Variants in CLASP1 observed in about 807,000 individuals in gnomAD.
CLASP1 encodes the protein CLIP-associating protein 1.
Under a neutral mutation model 192.3 loss-of-function variants are expected in CLASP1, and 38 were observed. The ratio of observed to expected loss-of-function variants is 0.20; its 90% CI spans 0.15 to 0.26. The LOEUF (loss-of-function observed/expected upper bound fraction) is 0.26, where lower values mean the gene tolerates loss of function less well. CLASP1 is among the 10% of genes least tolerant of loss of function. The pLI is 1.00. For synonymous variants in CLASP1, 691 were observed against 712.8 expected (o/e 0.97, Z 0.49); for missense variants, 1,433 against 1,932.5 (o/e 0.74, Z 4.85).
chr2:121,520,016 A>C (rs2094422053), intron 6 of CLASP1, among the ~76,000 whole-genome samples: 1 of 152,204 alleles, frequency 6.6e-6, no homozygotes, highest in Non-Finnish European at 1.5e-5. Flanking sequence ...AGCCCCATAC[A>C]TGCAGCACGC....
intron 1 of CLASP1, among the ~76,000 whole-genome samples, chr2:121,627,388 C>T (rs2068584304): frequency 6.6e-6 from 1 of 152,208 alleles, no homozygotes; most frequent in South Asian, 2.1e-4. Flanking sequence ...ATGTACCAGG[C>T]AATCTGCCAG....
At chr2:121,373,692 C>G (rs12711549) in intron 34 of CLASP1, among the ~76,000 whole-genome samples, 38,309 of 152,110 alleles carry the variant, frequency 0.25, 7,721 homozygotes, top group African/African-American at 0.56. Context: ...CTTTAGCAAA[C>G]AGACTGGCAG....
intron 8 of CLASP1, among the ~76,000 whole-genome samples, chr2:121,487,503 C>A (rs990785546): frequency 6.6e-6 from 1 of 152,218 alleles, no homozygotes. Context: ...ATTCAGGACA[C>A]CACATTACAT....
chr2:121,511,410 G>A (rs1008863491), intron 7 of CLASP1, among the ~76,000 whole-genome samples: 3 of 152,060 alleles, frequency 2.0e-5, no homozygotes, highest in Non-Finnish European at 4.4e-5. Context: ...CCAACATGGA[G>A]AAACCCCGTC....
intron 13 of CLASP1, among the ~76,000 whole-genome samples, chr2:121,458,603 A>G (rs2087193508): frequency 6.6e-6 from 1 of 152,216 alleles, no homozygotes; most frequent in Admixed American, 6.5e-5. Context: ...TAGTGAGTTA[A>G]CAATCAATAC....
intron 1 of CLASP1, among the ~76,000 whole-genome samples, chr2:121,614,695 ACT>A (rs577421257): frequency 8.2e-4 from 125 of 152,286 alleles, no homozygotes; most frequent in Admixed American, 1.8e-3. Flanking sequence ...TGTCTGAATC[ACT>A]TTTATTTACT....
At chr2:121,488,275 T>C in intron 8 of CLASP1, among the ~76,000 whole-genome samples, 1 of 152,210 alleles carries the variant, frequency 6.6e-6, no homozygotes, top group East Asian at 1.9e-4. Flanking sequence ...CCTTCATACC[T>C]CCTGTTATGA....
At chr2:121,498,102 T>C (rs938405567) in intron 8 of CLASP1, among the ~76,000 whole-genome samples, 2 of 151,834 alleles carry the variant, frequency 1.3e-5, no homozygotes, top group Non-Finnish European at 2.9e-5. Context: ...TCAGGCAATC[T>C]GCCTGCCTCG....
intron 32 of CLASP1, among the ~76,000 whole-genome samples, chr2:121,386,785 A>G (rs1335680053): frequency 6.6e-6 from 1 of 152,242 alleles, no homozygotes; most frequent in Admixed American, 6.5e-5. Flanking sequence ...TTTAGGTTCT[A>G]CCACTTGCAG....
intron 1 of CLASP1, among the ~76,000 whole-genome samples, chr2:121,634,361 T>A (rs563207255): frequency 7.2e-5 from 11 of 152,222 alleles, no homozygotes; most frequent in African/African-American, 2.7e-4. Context: ...TTTATTTTAA[T>A]GTCAGCAGTT....
chr2:121,470,174 A>C (rs2090420995), intron 8 of CLASP1: 1 of 630,628 alleles, frequency 1.6e-6, no homozygotes, highest in Admixed American at 2.1e-5. Flanking sequence ...CATACCCAGA[A>C]TACTTTTGCA....
At chr2:121,567,786 C>T (rs1393104225) in intron 2 of CLASP1, among the ~76,000 whole-genome samples, 1 of 152,188 alleles carries the variant, frequency 6.6e-6, no homozygotes, top group Non-Finnish European at 1.5e-5. Context: ...AAAGACAAAT[C>T]TGGACTACAA....
intron 1 of CLASP1, among the ~76,000 whole-genome samples, chr2:121,620,985 T>C (rs1206423696): frequency 2.0e-5 from 3 of 152,032 alleles, no homozygotes; most frequent in Non-Finnish European, 4.4e-5. Context: ...CCCGGCAGCT[T>C]TGGGAGGCCG....
chr2:121,466,576 T>G (rs2089633876), intron 9 of CLASP1, among the ~76,000 whole-genome samples: 1 of 152,138 alleles, frequency 6.6e-6, no homozygotes, highest in African/African-American at 2.4e-5. Flanking sequence ...GTGAAAATGG[T>G]TCTAAGAGCA....
exon 11 of CLASP1, chr2:121,461,185 G>C (rs376022114): frequency 2.5e-6 from 4 of 1,576,112 alleles, no homozygotes; most frequent in Non-Finnish European, 3.4e-6. Flanking sequence ...GGTCTCGGCT[G>C]GAATAAATCT....
chr2:121,492,579 A>G (rs1489724351), intron 8 of CLASP1, among the ~76,000 whole-genome samples: 1 of 151,968 alleles, frequency 6.6e-6, no homozygotes, highest in East Asian at 1.9e-4. Flanking sequence ...AGCACAGGAA[A>G]TATGTTCAAA....
At chr2:121,550,817 C>T (rs946400745) in intron 2 of CLASP1, among the ~76,000 whole-genome samples, 1 of 152,166 alleles carries the variant, frequency 6.6e-6, no homozygotes, top group Admixed American at 6.5e-5. Flanking sequence ...ACCATTCCTA[C>T]TGAAACTACT....
intron 23 of CLASP1, 105 bp downstream of exon 23, chr2:121,418,517 A>C: frequency 1.3e-6 from 1 of 770,166 alleles, no homozygotes; most frequent in South Asian, 1.6e-5. Flanking sequence ...AGAAAGGATC[A>C]CAAGGACAGT....
chr2:121,408,161 T>TGTGC (rs2077187143), intron 24 of CLASP1, among the ~76,000 whole-genome samples: 1 of 152,248 alleles, frequency 6.6e-6, no homozygotes, highest in Non-Finnish European at 1.5e-5. Flanking sequence ...AATGCAAATA[T>TGTGC]GTGCAGCCAA....
Sources: gnomAD v4.1 joint callset for allele counts (sites outside exome capture counted in the v4.1 genomes callset) on GRCh38, gnomAD v4.1.1 for gene constraint, MANE v1.5 for transcripts, NCBI Gene and HGNC (gene_info 2026-07-23, HGNC 2026-07-21) for gene names.